NPTN: variants seen among roughly 807,000 people sequenced by gnomAD.
NPTN encodes the protein neuroplastin.
A neutral mutation model predicts 42.7 loss-of-function variants in NPTN; 5 were observed. That is an observed-to-expected ratio of 0.12 (90% confidence interval 0.06 to 0.25). NPTN has a LOEUF of 0.25. NPTN is among the 10% of genes least tolerant of loss of function. NPTN has a pLI of 1.00. For synonymous variants in NPTN, 180 were observed against 201.9 expected (o/e 0.89, Z 0.92); for missense variants, 307 against 525.4 (o/e 0.58, Z 4.06).
Position 73,597,051 on chromosome 15 carries a change from C to T in NPTN, c.410G>A (p.Arg137Gln). 1 of 1,613,944 alleles carries T rather than the reference C, an allele frequency of 6.2e-7. No homozygotes were observed. Among genetic ancestry groups the T allele is most frequent in the South Asian group, 1.1e-5 (1 of 91,026 alleles). Residue 137 changes from arginine (R) to glutamine (Q), a missense_variant, in exon 2 of 9, where the codon CGA (arginine) becomes CAA (glutamine). Transcript: ENST00000345330. The surrounding 1 kb of genome is among the most constrained non-coding windows in gnomAD (Gnocchi z 6.3). The part of the protein sequence containing the change: ...LRQNPSITWI[R>Q]AQATISVLQK... ...AAGGACGCTTATGGTGGCCTGGGCT[C>T]GAATCCATGTTATGGAGGGGTTTTG...
rs114430535 is a variant in NPTN, at chr15:73,587,692, G to A, written c.612-74C>T. 1,581 of 1,057,348 alleles carry A rather than the reference G, an allele frequency of 1.5e-3. 19 individuals are homozygous for A. The African/African-American group carries it at 0.022, about 15-fold the overall frequency. The allele number at this position is 1,057,348 out of a possible 1,614,324, so 65.5% of individuals were successfully genotyped here. On this transcript the variant is annotated intron_variant, in intron 3 of 8. Transcript: ENST00000345330. Reference sequence around the variant, plus strand: ...AATATAAAACAGAAGGAGAATCAAAGGGGCAATCAGGGATCCTGCTCTCCG... The same window carrying A: ...AATATAAAACAGAAGGAGAATCAAAAGGGCAATCAGGGATCCTGCTCTCCG...
chr15:73,613,916 C>T (rs1897726651), intron 1 of NPTN, among the ~76,000 whole-genome samples: 1 of 152,006 alleles, frequency 6.6e-6, no homozygotes, highest in Admixed American at 6.5e-5. Flanking sequence ...GAACTCTTGA[C>T]CTTGAGTGAT....
At chr15:73,621,646 T>C (rs527684374) in intron 1 of NPTN, among the ~76,000 whole-genome samples, 1 of 152,258 alleles carries the variant, frequency 6.6e-6, no homozygotes, top group Non-Finnish European at 1.5e-5. Context: ...AATCCAGTGT[T>C]CTTTCTACTT....
intron 1 of NPTN, among the ~76,000 whole-genome samples, chr15:73,616,825 A>G (rs1029355758): frequency 6.6e-6 from 1 of 152,208 alleles, no homozygotes; most frequent in Non-Finnish European, 1.5e-5. Context: ...TGCTTTCGCT[A>G]AAAATTAGCA....
rs762730698 is a variant in NPTN at position 73,597,296 on chromosome 15, G to A, written c.165C>T (p.Val55=). 15 of 1,613,762 alleles carry A rather than the reference G, an allele frequency of 9.3e-6. No individual in the cohort carries two copies. The highest frequency in any genetic ancestry group is 1.7e-5 in the Admixed American group (1 of 59,994). ...GDAFELYCDV[V]GSPTPEIQWW... ...ACTGGATCTCTGGCGTGGGGCTCCC[G>A]ACCACGTCACAGTACAGCTCAAAGG... Residue 55 remains valine (V), a synonymous_variant, in exon 2 of 9, where the codon GTC becomes GTT. Transcript: ENST00000345330. This position sits in a 1 kb window ranked among gnomAD's most constrained non-coding sequence, Gnocchi z 6.3.
Position 73,591,984 on chromosome 15 carries a change from G to A in NPTN, c.593C>T (p.Ala198Val). The change falls in exon 3 of 9, where the codon GCC becomes GTC. Residue 198 changes from alanine (A) to valine (V), a missense_variant. This residue lies in a region of NPTN where 264 missense variants were observed against 491.1 expected (regional missense o/e 0.54). Transcript: ENST00000345330. ...CTCTCACCTGTACTCCATGTTGCTG[G>A]CATTCTTACGAGTGGCACTCAGTTC... is the stretch of plus-strand genomic sequence containing the variant. ...GVELSATRKN[A>V]SNMEYRINKP... The A allele has an allele frequency of 6.2e-7, 1 of 1,612,968 alleles. No homozygotes were observed. The highest frequency in any genetic ancestry group is 8.5e-7 in the Non-Finnish European group (1 of 1,179,374).
At chr15:73,575,940 G>C (rs1314196944) in intron 4 of NPTN, among the ~76,000 whole-genome samples, 1 of 151,780 alleles carries the variant, frequency 6.6e-6, no homozygotes, top group Non-Finnish European at 1.5e-5. Context: ...TTTTTTTCCA[G>C]GCAAAGTTTC....
chr15:73,570,450 G>A lies in NPTN; in HGVS notation c.841-27C>T, dbSNP rs372103532. 121 of 1,596,954 alleles carry A rather than the reference G, an allele frequency of 7.6e-5. No homozygotes were observed. The highest frequency in any genetic ancestry group is 1.0e-4 in the Non-Finnish European group (118 of 1,169,568). ...TGCAAAAAAGTGAGAATACACAAAG[G>A]TGAGAGTGAGTAACTGAGCTAATGT... On this transcript the variant is annotated intron_variant, in intron 5 of 8. Transcript: ENST00000345330. This position sits in a 1 kb window ranked among gnomAD's most constrained non-coding sequence, Gnocchi z 4.0.
At chr15:73,583,709 GA>G (rs1028733850) in intron 4 of NPTN, among the ~76,000 whole-genome samples, 1 of 152,226 alleles carries the variant, frequency 6.6e-6, no homozygotes, top group Admixed American at 6.5e-5. Flanking sequence ...TTCTGAGTCA[GA>G]AGCAGGTTGC....
At chr15:73,587,724 TA>T (rs1488399287) in intron 3 of NPTN, 106 bp from the exon 4 acceptor site, 1 of 773,980 alleles carries the variant, frequency 1.3e-6, no homozygotes, top group African/African-American at 1.7e-5. Context: ...TCCGAACCCT[TA>T]ATGCAACTCA....
intron 1 of NPTN, among the ~76,000 whole-genome samples, chr15:73,623,933 T>C (rs1898267356): frequency 6.6e-6 from 1 of 152,246 alleles, no homozygotes; most frequent in South Asian, 2.1e-4. Flanking sequence ...ACTAAACCTA[T>C]GCTTTCTTCC....
intron 2 of NPTN, among the ~76,000 whole-genome samples, 193 bp downstream of exon 2, chr15:73,596,829 G>A (rs950704359): frequency 1.3e-5 from 2 of 151,186 alleles, no homozygotes; most frequent in Non-Finnish European, 3.0e-5. Flanking sequence ...GAACGGCAAA[G>A]AAAAGAAGAA....
chr15:73,586,397 T>C (rs1294817106), intron 4 of NPTN, among the ~76,000 whole-genome samples: 2 of 152,254 alleles, frequency 1.3e-5, no homozygotes, highest in Non-Finnish European at 2.9e-5. Flanking sequence ...CTAAGTTCTC[T>C]GGCCCAGTGT....
At chr15:73,562,507 T>C (rs1019967507) in intron 7 of NPTN, among the ~76,000 whole-genome samples, 1 of 152,202 alleles carries the variant, frequency 6.6e-6, no homozygotes, top group African/African-American at 2.4e-5. Flanking sequence ...CTGTCCCTTC[T>C]TGATAAAAGG....
chr15:73,572,952 G>A lies in NPTN; in HGVS notation c.840+710C>T, dbSNP rs1895493125. 3.9e-5 allele frequency among the ~76,000 whole-genome samples: 6 copies of A among 152,138 alleles called. No homozygotes were observed. In the South Asian group the frequency reaches 1.0e-3, roughly 26 times the overall value. On this transcript the variant is annotated intron_variant, in intron 5 of 8. Transcript: ENST00000345330. ...CTGACAGTGAATTCTCATGAGACCC[G>A]GTTGTTTAAAAGTGTGTAGCATCTC...
intron 4 of NPTN, among the ~76,000 whole-genome samples, chr15:73,582,792 G>C (rs1896118710): frequency 6.6e-6 from 1 of 152,100 alleles, no homozygotes; most frequent in Admixed American, 6.5e-5. Context: ...CTGACAAATT[G>C]AAATTTTCCA....
At chr15:73,621,725 A>G (rs1898144199) in intron 1 of NPTN, among the ~76,000 whole-genome samples, 1 of 152,226 alleles carries the variant, frequency 6.6e-6, no homozygotes, top group Admixed American at 6.5e-5. Flanking sequence ...TACAATGGTA[A>G]TTTCCTACTT....
At chr15:73,606,545 G>A (rs1157387298) in intron 1 of NPTN, among the ~76,000 whole-genome samples, 1 of 152,144 alleles carries the variant, frequency 6.6e-6, no homozygotes, top group Non-Finnish European at 1.5e-5. Context: ...GTTCAAATAT[G>A]TAAGTGAAAC....
At chr15:73,589,057 C>A (rs1351211269) in intron 3 of NPTN, among the ~76,000 whole-genome samples, 1 of 152,068 alleles carries the variant, frequency 6.6e-6, no homozygotes, top group Non-Finnish European at 1.5e-5. Context: ...ATGGGTCAGG[C>A]GTGGTGGCTC....
Sources: allele counts gnomAD v4.1 joint callset (sites outside exome capture counted in the v4.1 genomes callset), GRCh38; gene constraint gnomAD v4.1.1; regional missense constraint gnomAD v4.1.1; non-coding constraint Gnocchi (gnomAD v3.1); transcripts MANE v1.5; gene names NCBI Gene and HGNC (gene_info 2026-07-23, HGNC 2026-07-21).